Variants in WRN observed in about 807,000 individuals in gnomAD.
WRN encodes bifunctional 3'-5' exonuclease/ATP-dependent helicase WRN.
WRN carries 149 observed loss-of-function variants against 180.7 expected under a neutral mutation model. The ratio of observed to expected loss-of-function variants is 0.82; its 90% CI spans 0.72 to 0.94. The LOEUF is 0.94. Ranked by LOEUF, WRN falls within the 40% of genes least tolerant of loss-of-function variation. The probability of loss-of-function intolerance (pLI) is 0.00; values close to 1 mark genes in which losing one functional copy is unlikely to be tolerated. For synonymous variants in WRN, 548 were observed against 568.9 expected, an observed-to-expected ratio of 0.96 and a Z score of 0.52; for missense variants, 1,661 against 1,700.1, an observed-to-expected ratio of 0.98 and a Z score of 0.40.
chr8:31,058,367 C>T lies in WRN; in HGVS notation c.-76-5C>T. The T allele has an allele frequency of 8.3e-7, 1 of 1,199,880 alleles. No homozygotes were observed. Among genetic ancestry groups the T allele is most frequent in the South Asian group, 1.3e-5 (1 of 77,508 alleles). The allele number at this position is 1,199,880 out of a possible 1,614,324, so 74.3% of individuals were successfully genotyped here. The stretch of plus-strand genomic sequence containing the variant: ...TTCATTCATATTGACAGTACTACCT[C>T]TCAGTTTTCTTTCAGATATTGTTTT... On this transcript the variant is annotated splice_region_variant and splice_polypyrimidine_tract_variant and intron_variant, in intron 1 of 34. Coordinates refer to ENST00000298139, the MANE Select transcript of WRN (RefSeq NM_000553.6).
chr8:31,150,160 G>A (rs573710130), intron 30 of WRN, among the ~76,000 whole-genome samples, 181 bp from the exon 31 acceptor site: 1 of 152,264 alleles, frequency 6.6e-6, no homozygotes, highest in East Asian at 1.9e-4. Flanking sequence ...ATGGTGGAAA[G>A]CAAAGAAAGA....
At chr8:31,110,210 A>G (rs1014278231) in intron 18 of WRN, among the ~76,000 whole-genome samples, 2 of 152,184 alleles carry the variant, frequency 1.3e-5, no homozygotes, top group Admixed American at 6.5e-5. Context: ...GTTAACACAG[A>G]TGCACCCATG....
At chr8:31,044,512 A>G (rs1043507103) in intron 1 of WRN, among the ~76,000 whole-genome samples, 5 of 151,804 alleles carry the variant, frequency 3.3e-5, no homozygotes, top group African/African-American at 1.2e-4. Flanking sequence ...GCCCGCCACC[A>G]TGCTCTGCTA....
intron 11 of WRN, among the ~76,000 whole-genome samples, chr8:31,086,892 C>T (rs1563342361): frequency 6.6e-6 from 1 of 152,120 alleles, no homozygotes; most frequent in Non-Finnish European, 1.5e-5. Flanking sequence ...TTGTGGACGT[C>T]TACAAACGTA....
chr8:31,134,621 AAC>A, intron 24 of WRN, among the ~76,000 whole-genome samples: 1 of 152,242 alleles, frequency 6.6e-6, no homozygotes, highest in Non-Finnish European at 1.5e-5. Context: ...AGAAAATAAA[AAC>A]ACACTCATTA....
intron 23 of WRN, among the ~76,000 whole-genome samples, chr8:31,130,306 A>G (rs1461915072): frequency 6.6e-6 from 1 of 152,152 alleles, no homozygotes; most frequent in Non-Finnish European, 1.5e-5. Context: ...GAATAAACCT[A>G]AGCATAGTTT....
chr8:31,059,591 T>G (rs1812408670), intron 3 of WRN, among the ~76,000 whole-genome samples: 3 of 152,214 alleles, frequency 2.0e-5, no homozygotes, highest in Admixed American at 1.3e-4. Flanking sequence ...CTGAACATAC[T>G]GTGTTTATTT....
intron 16 of WRN, among the ~76,000 whole-genome samples, chr8:31,094,970 C>T (rs917499350): frequency 7.9e-5 from 12 of 152,108 alleles, no homozygotes; most frequent in African/African-American, 2.9e-4. Flanking sequence ...AACGCTTTTG[C>T]ATATATGCCT....
chr8:31,117,486 A>G (rs1230333858), intron 20 of WRN, among the ~76,000 whole-genome samples: 1 of 152,170 alleles, frequency 6.6e-6, no homozygotes, highest in Non-Finnish European at 1.5e-5. Context: ...ACCTGATTGG[A>G]CTGGCTCAGT....
In WRN at chr8:31,120,321, A is replaced by G. The variant is rs1341189112; in HGVS notation, c.2527A>G (p.Lys843Glu). Residue 843 changes from lysine to glutamate, a missense_variant, in exon 21 of 35, where the codon AAG (lysine) becomes GAG (glutamate). Transcript: ENST00000298139. ...IRQVIHYGAP[K>E]DMESYYQEIG... ...CCAAGTCATTCATTACGGTGCTCCT[A>G]AGGACATGGAATCATATTATCAGGA... 3 of 1,613,066 alleles carry G rather than the reference A, an allele frequency of 1.9e-6. No homozygotes were observed.
chr8:31,071,071 A>T (rs1350665349), intron 7 of WRN, among the ~76,000 whole-genome samples: 1 of 150,948 alleles, frequency 6.6e-6, no homozygotes, highest in Non-Finnish European at 1.5e-5. Context: ...AAAGTTAGCT[A>T]GCTGAAGAGT....
intron 9 of WRN, among the ~76,000 whole-genome samples, chr8:31,083,333 G>A (rs2553266): frequency 4.6e-5 from 7 of 151,936 alleles, no homozygotes; most frequent in East Asian, 1.9e-4. Flanking sequence ...TTCTTTGTAC[G>A]GCATTTTTCA....
In WRN at chr8:31,047,857, G is replaced by A. The variant is rs183399361; in HGVS notation, c.-76-10515G>A. Among the ~76,000 whole-genome samples, 7 of 152,282 alleles carry A rather than the reference G, an allele frequency of 4.6e-5. No individual in the cohort carries two copies. The East Asian group carries it at 1.4e-3, about 29-fold the overall frequency. On this transcript the variant is annotated intron_variant, in intron 1 of 34. Coordinates refer to ENST00000298139, the MANE Select transcript of WRN (RefSeq NM_000553.6). ...TAAAAATAATGAATTATTCAGTTGG[G>A]TAGTGAAATCCAGTTATAAAGCACT...
At chr8:31,152,766 C>T (rs1291030949) in intron 31 of WRN, among the ~76,000 whole-genome samples, 1 of 152,186 alleles carries the variant, frequency 6.6e-6, no homozygotes, top group African/African-American at 2.4e-5. Context: ...TGGCAAGGTG[C>T]AATCCCTCAT....
In WRN at chr8:31,080,855, T is replaced by A. The variant is rs537891790; in HGVS notation, c.840-12T>A. The A allele has an allele frequency of 7.6e-5, 105 of 1,384,476 alleles. No individual in the cohort carries two copies. In the African/African-American group the frequency reaches 1.3e-3, roughly 17 times the overall value. 85.8% of individuals were successfully genotyped at this position (1,384,476 alleles called of 1,614,324 possible). ...TTGAAGTTGAATTAATCTTTCTTAA[T>A]TTTTTTTTTAGGGTTTCTATCTTAC... is the stretch of plus-strand genomic sequence containing the variant. On this transcript the variant is annotated splice_polypyrimidine_tract_variant and intron_variant, in intron 8 of 34. Transcript: ENST00000298139.
intron 1 of WRN, among the ~76,000 whole-genome samples, chr8:31,056,426 A>G (rs757924517): frequency 6.6e-6 from 1 of 152,234 alleles, no homozygotes; most frequent in Non-Finnish European, 1.5e-5. Flanking sequence ...CATATATAAA[A>G]TGCTTTACAA....
At chr8:31,135,422 G>T (rs1802361513) in intron 24 of WRN, among the ~76,000 whole-genome samples, 1 of 152,000 alleles carries the variant, frequency 6.6e-6, no homozygotes, top group Non-Finnish European at 1.5e-5. Flanking sequence ...TTTTGTATAA[G>T]GCACTGTATT....
intron 19 of WRN, among the ~76,000 whole-genome samples, chr8:31,113,830 C>T (rs1801414567): frequency 6.6e-6 from 1 of 152,092 alleles, no homozygotes; most frequent in Non-Finnish European, 1.5e-5. Context: ...CAACAGATAC[C>T]CCTCTCCCCA....
chr8:31,088,741 A>C, intron 12 of WRN, 149 bp from the exon 13 acceptor site: 1 of 681,930 alleles, frequency 1.5e-6, no homozygotes, highest in African/African-American at 1.8e-5. Flanking sequence ...CCAGAAGACC[A>C]GTTTGTATTG....
Sources: allele counts gnomAD v4.1 joint callset (sites outside exome capture counted in the v4.1 genomes callset), GRCh38; gene constraint gnomAD v4.1.1; transcripts MANE v1.5; gene names NCBI Gene and HGNC (gene_info 2026-07-23, HGNC 2026-07-21).